Variants in LYZL4 observed in about 807,000 individuals in gnomAD.
LYZL4 encodes the protein lysozyme-like protein 4.
LYZL4 carries 13 observed loss-of-function variants against 17.6 expected under a neutral mutation model. That is an observed-to-expected ratio of 0.74 (90% confidence interval 0.48 to 1.18). LYZL4 has a LOEUF of 1.18. Ranked by LOEUF, LYZL4 falls within the 50% of genes most tolerant of loss-of-function variation. The pLI is 0.00. For synonymous variants in LYZL4, 64 were observed against 67.7 expected (o/e 0.95, Z 0.27); for missense variants, 174 against 188.2 (o/e 0.92, Z 0.44).
chr3:42,371,573 T>C, the LYZL4 span, among the ~76,000 whole-genome samples: 1 of 152,214 alleles, frequency 6.6e-6, no homozygotes, highest in African/African-American at 2.4e-5. Context: ...AGTTGGGTCT[T>C]GGACAACTGC....
At chr3:42,390,338 C>T in the LYZL4 span, among the ~76,000 whole-genome samples, 1 of 152,204 alleles carries the variant, frequency 6.6e-6, no homozygotes, top group Non-Finnish European at 1.5e-5. Context: ...TCCCTAGCCA[C>T]ACCTGGTGAA....
the LYZL4 span, among the ~76,000 whole-genome samples, chr3:42,388,955 C>T: frequency 4.6e-5 from 7 of 152,166 alleles, no homozygotes; most frequent in African/African-American, 1.7e-4. Context: ...CAAGGAGGGC[C>T]TATGTGCCTT....
At chr3:42,402,800 A>G (rs1199972804) in intron 4 of LYZL4, among the ~76,000 whole-genome samples, 1 of 152,226 alleles carries the variant, frequency 6.6e-6, no homozygotes, top group Admixed American at 6.5e-5. Flanking sequence ...TATTCACCAA[A>G]AGTTAAGTAT....
At chr3:42,386,957 G>C in the LYZL4 span, among the ~76,000 whole-genome samples, 2 of 152,036 alleles carry the variant, frequency 1.3e-5, no homozygotes, top group Non-Finnish European at 2.9e-5. Flanking sequence ...GTCTTTATAT[G>C]TTTAAAATTT....
the LYZL4 span, among the ~76,000 whole-genome samples, chr3:42,379,946 T>C: frequency 9.2e-5 from 14 of 152,204 alleles, no homozygotes; most frequent in Non-Finnish European, 1.6e-4. Flanking sequence ...CTCTCCTTCC[T>C]GCCATATGAG....
At chr3:42,386,171 T>C in the LYZL4 span, among the ~76,000 whole-genome samples, 1 of 152,096 alleles carries the variant, frequency 6.6e-6, no homozygotes, top group Admixed American at 6.5e-5. Context: ...GGTGTGATCT[T>C]GGCTCACTGC....
At chr3:42,406,453 CAAAAAAAAAAAAAAA>C (rs565639489) in intron 3 of LYZL4, among the ~76,000 whole-genome samples, 347 of 84,168 alleles carry the variant, frequency 4.1e-3, no homozygotes, top group Non-Finnish European at 4.9e-3. Context: ...GACTCCGTCT[CAAAAAAAAAAAAAAA>C]AAAAAAAAAA....
chr3:42,388,434 C>A, the LYZL4 span, among the ~76,000 whole-genome samples: 1 of 152,236 alleles, frequency 6.6e-6, no homozygotes, highest in African/African-American at 2.4e-5. Context: ...ACAGATCAAT[C>A]TGATGATTCA....
At chr3:42,388,248 C>T in the LYZL4 span, among the ~76,000 whole-genome samples, 2 of 152,214 alleles carry the variant, frequency 1.3e-5, no homozygotes, top group Middle Eastern at 3.2e-3. Flanking sequence ...AAGAAAAGAA[C>T]TGTTTCTGGA....
chr3:42,367,462 T>A, the LYZL4 span, among the ~76,000 whole-genome samples: 1 of 152,122 alleles, frequency 6.6e-6, no homozygotes, highest in African/African-American at 2.4e-5. Flanking sequence ...ATAGTAAAGA[T>A]GAAGTCATCA....
chr3:42,377,965 G>A, the LYZL4 span, among the ~76,000 whole-genome samples: 2 of 152,148 alleles, frequency 1.3e-5, no homozygotes, highest in Non-Finnish European at 2.9e-5. Context: ...CTCAGTTCAA[G>A]GACAAAGATT....
chr3:42,404,035 G>GT lies in LYZL4; in HGVS notation c.371+10dup. 20 of 1,579,850 alleles carry GT rather than the reference G, an allele frequency of 1.3e-5. No individual in the cohort carries two copies. Among genetic ancestry groups the GT allele is most frequent in the Non-Finnish European group, 1.7e-5 (20 of 1,149,758 alleles). ...TCGTTAATACAGGCTACATAAAAAT[G>GT]TAAGACTTACCATGCTCCCATCCCT... On this transcript the variant is annotated intron_variant, in intron 4 of 4. Transcript: ENST00000287748.
the LYZL4 span, among the ~76,000 whole-genome samples, chr3:42,366,422 C>A: frequency 6.6e-6 from 1 of 152,186 alleles, no homozygotes; most frequent in South Asian, 2.1e-4. Context: ...GTGGCGGCAC[C>A]AGGCAGAAGC....
chr3:42,374,318 TAC>T, the LYZL4 span, among the ~76,000 whole-genome samples: 18 of 152,328 alleles, frequency 1.2e-4, no homozygotes, highest in Non-Finnish European at 2.5e-4. Flanking sequence ...CCAAAACCTG[TAC>T]TTTAAATTAT....
Position 42,398,005 on chromosome 3 carries a change from G to A in LYZL4, c.372-671C>T, listed in dbSNP as rs528411140. Reference sequence around the variant, plus strand: ...TGTACGCCATTAGAAATCCTGTTTCGTCATCCCACCCCTCAGCGGGCCGGT... The same window carrying A: ...TGTACGCCATTAGAAATCCTGTTTCATCATCCCACCCCTCAGCGGGCCGGT... On this transcript the variant is annotated intron_variant, in intron 4 of 4. Coordinates refer to ENST00000287748, the MANE Select transcript of LYZL4 (RefSeq NM_144634.4). Among the ~76,000 whole-genome samples the A allele has an allele frequency of 2.6e-5, 4 of 152,210 alleles. No homozygotes were observed. The East Asian group carries it at 5.8e-4, about 22-fold the overall frequency.
chr3:42,408,830 T>C (rs943839430), intron 1 of LYZL4, among the ~76,000 whole-genome samples: 1 of 152,116 alleles, frequency 6.6e-6, no homozygotes, highest in Non-Finnish European at 1.5e-5. Flanking sequence ...ATCCTGTGCA[T>C]TGGATTGTTT....
the LYZL4 span, among the ~76,000 whole-genome samples, chr3:42,364,186 C>T: frequency 6.6e-6 from 1 of 152,186 alleles, no homozygotes; most frequent in Non-Finnish European, 1.5e-5. Context: ...TGCTCCACCC[C>T]TGTTGCTCCC....
the LYZL4 span, among the ~76,000 whole-genome samples, chr3:42,379,447 G>A: frequency 6.6e-6 from 1 of 152,200 alleles, no homozygotes; most frequent in East Asian, 1.9e-4. Flanking sequence ...ACAGAATCTG[G>A]GGAGGGGCAT....
the LYZL4 span, among the ~76,000 whole-genome samples, chr3:42,376,778 T>A: frequency 6.6e-6 from 1 of 152,178 alleles, no homozygotes; most frequent in Non-Finnish European, 1.5e-5. Flanking sequence ...GCCATACTGC[T>A]GCAAAAGAGA....
Sources: allele counts gnomAD v4.1 joint callset (sites outside exome capture counted in the v4.1 genomes callset), GRCh38; gene constraint gnomAD v4.1.1; transcripts MANE v1.5; gene names NCBI Gene and HGNC (gene_info 2026-07-23, HGNC 2026-07-21).